SGSM2: variants seen among roughly 807,000 people sequenced by gnomAD.
SGSM2 encodes the protein small G protein signaling modulator 2.
Under a neutral mutation model 126.6 loss-of-function variants are expected in SGSM2, and 89 were observed. The ratio of observed to expected loss-of-function variants is 0.70; its 90% CI spans 0.59 to 0.84. The LOEUF is 0.84. Among genes scored for constraint, SGSM2 ranks in the 40% least tolerant of loss-of-function variants. SGSM2 has a pLI of 0.00. For synonymous variants in SGSM2, 614 were observed against 574.3 expected (o/e 1.07, Z -0.99); for missense variants, 1,404 against 1,416.6 (o/e 0.99, Z 0.14).
chr17:2,354,884 A>G (rs2065027539), intron 2 of SGSM2, among the ~76,000 whole-genome samples: 1 of 138,712 alleles, frequency 7.2e-6, no homozygotes, highest in South Asian at 2.1e-4. Flanking sequence ...ATCGGGGTGT[A>G]AGCGTTGGGG....
intron 1 of SGSM2, among the ~76,000 whole-genome samples, chr17:2,343,216 C>T (rs2064455548): frequency 6.6e-6 from 1 of 152,168 alleles, no homozygotes; most frequent in African/African-American, 2.4e-5. Context: ...GACAGTATAT[C>T]TGCCCAGAAG....
intron 21 of SGSM2, 143 bp downstream of exon 21, chr17:2,377,211 C>G (rs1375329476): frequency 1.6e-6 from 1 of 616,618 alleles, no homozygotes; most frequent in Non-Finnish European, 2.8e-6. Context: ...TTCAGCAGGG[C>G]AACGTGGCTC....
intron 2 of SGSM2, among the ~76,000 whole-genome samples, chr17:2,351,137 C>T (rs2064831024): frequency 6.6e-6 from 1 of 152,112 alleles, no homozygotes; most frequent in Admixed American, 6.6e-5. Flanking sequence ...CCTGTAATCC[C>T]AGCTACTTGG....
At chr17:2,375,461 C>G in intron 17 of SGSM2, 31 bp from the exon 18 acceptor site, 1 of 1,573,722 alleles carries the variant, frequency 6.4e-7, no homozygotes, top group Non-Finnish European at 8.6e-7. Flanking sequence ...TGCTGGAGTG[C>G]AGGTGGAGCC....
intron 2 of SGSM2, among the ~76,000 whole-genome samples, chr17:2,349,988 C>T (rs768728062): frequency 4.6e-5 from 7 of 151,972 alleles, no homozygotes; most frequent in African/African-American, 1.4e-4. Context: ...GGGGTTTCAC[C>T]GTGTTAGCCA....
In SGSM2 at chr17:2,367,450, C is replaced by T; in HGVS notation, c.1423+45C>T. 1 of 1,586,420 alleles carries T rather than the reference C, an allele frequency of 6.3e-7. No individual in the cohort carries two copies. Among genetic ancestry groups the T allele is most frequent in the South Asian group, 1.1e-5 (1 of 87,726 alleles). Reference sequence around the variant, plus strand: ...CCTGACCCACCTCATCCCCACCCTCCCTCCCGGGCCCGCCTGCCACCCACC... The same window carrying T: ...CCTGACCCACCTCATCCCCACCCTCTCTCCCGGGCCCGCCTGCCACCCACC... On this transcript the variant is annotated intron_variant, in intron 12 of 23. Transcript: ENST00000268989. The surrounding 1 kb of genome is among the most constrained non-coding windows in gnomAD (Gnocchi z 4.0).
chr17:2,379,371 C>A, intron 23 of SGSM2, 61 bp from the exon 24 acceptor site: 1 of 1,574,392 alleles, frequency 6.4e-7, no homozygotes, highest in Non-Finnish European at 8.7e-7. Flanking sequence ...GGTAGTCAGC[C>A]ACCTCCTAGC....
intron 17 of SGSM2, 101 bp from the exon 18 acceptor site, chr17:2,375,391 G>T (rs2286882): frequency 0.061 from 87,497 of 1,427,124 alleles, 6,543 homozygotes; most frequent in African/African-American, 0.34. Context: ...GAGAGGGGGT[G>T]TGAAGAGTTT....
intron 22 of SGSM2, 70 bp from the exon 23 acceptor site, chr17:2,378,966 G>C: frequency 1.3e-6 from 2 of 1,528,410 alleles, no homozygotes; most frequent in Non-Finnish European, 1.8e-6. Flanking sequence ...CCCAGCCTCA[G>C]CCTCAATCCC....
rs1172190373 is a variant in SGSM2 at position 2,377,209 on chromosome 17, G to C, written c.2802+141G>C. On this transcript the variant is annotated intron_variant, in intron 21 of 23. Transcript: ENST00000268989. ...ATTTTAAAAGACATGGTTTCAGCAG[G>C]GCAACGTGGCTCAGGCCTGTCATCC... 4 of 620,074 alleles carry C rather than the reference G, an allele frequency of 6.5e-6. No individual in the cohort carries two copies. In the African/African-American group the frequency reaches 7.4e-5, roughly 11 times the overall value. The allele number at this position is 620,074 out of a possible 1,614,324, so 38.4% of individuals were successfully genotyped here.
In SGSM2 at chr17:2,375,742, AG is replaced by A; in HGVS notation, c.2353del (p.Glu785LysfsTer13). The A allele has an allele frequency of 6.2e-7, 1 of 1,607,240 alleles. No individual in the cohort carries two copies. Among genetic ancestry groups the A allele is most frequent in the Non-Finnish European group, 8.5e-7 (1 of 1,175,512 alleles). ...TTCGAAGAGGAGGACGGCGGTGGGG[AG>A]GAAGGCTCCAGTGGGCCCGGCCCTG... ...VGFEEEDGGG[E>X]EGSSGPGPAA... On this transcript the variant is annotated frameshift_variant, in exon 18 of 24. Coordinates refer to ENST00000268989, the MANE Select transcript of SGSM2 (RefSeq NM_014853.3). LOFTEE classifies it high-confidence loss of function.
At chr17:2,345,407 T>C (rs953989319) in intron 2 of SGSM2, among the ~76,000 whole-genome samples, 9 of 149,034 alleles carry the variant, frequency 6.0e-5, no homozygotes, top group Non-Finnish European at 1.3e-4. Flanking sequence ...CCATCCTGGC[T>C]AACACGGTGA....
Position 2,375,825 on chromosome 17 carries a change from G to C in SGSM2, c.2434G>C (p.Glu812Gln). Residue 812 changes from glutamate to glutamine, a missense_variant, in exon 18 of 24, where the codon GAA becomes CAA. By Grantham distance (29) the Glu-to-Gln change is conservative. Coordinates refer to ENST00000268989, the MANE Select transcript of SGSM2 (RefSeq NM_014853.3). ...CAGCCAGGAGAAGCCTCAGGCCGGA[G>C]AACTGGAGGCCGGAGAGGAGCTTGC... ...DPSQEKPQAG[E>Q]LEAGEELAAV... The C allele has an allele frequency of 1.3e-6, 2 of 1,548,922 alleles. No individual in the cohort carries two copies.
Position 2,380,327 on chromosome 17 carries a change from A to G in SGSM2, c.*807A>G, listed in dbSNP as rs1015344945. ...TTGCCAGTGGATGATCTGGAATGCG[A>G]CCGGAGCACTTGCTCTGAGGAATCC... is the stretch of plus-strand genomic sequence containing the variant. On this transcript the variant is annotated 3_prime_UTR_variant, in exon 24 of 24. Transcript: ENST00000268989. The G allele has an allele frequency of 3.3e-6, 5 of 1,534,568 alleles. No homozygotes were observed. The African/African-American group carries it at 6.8e-5, about 21-fold the overall frequency.
At chr17:2,348,508 G>A (rs1182886588) in intron 2 of SGSM2, among the ~76,000 whole-genome samples, 1 of 152,188 alleles carries the variant, frequency 6.6e-6, no homozygotes, top group Non-Finnish European at 1.5e-5. Context: ...GAGCTCTGAA[G>A]GAGCTGACTC....
chr17:2,364,781 T>C, intron 9 of SGSM2, 116 bp from the exon 10 acceptor site: 1 of 1,556,260 alleles, frequency 6.4e-7, no homozygotes, highest in East Asian at 2.3e-5. Context: ...TTAATGGGGC[T>C]CCCAGGCCAT....
At chr17:2,358,860 T>C (rs1008759056) in intron 2 of SGSM2, among the ~76,000 whole-genome samples, 1 of 97,160 alleles carries the variant, frequency 1.0e-5, no homozygotes, top group Non-Finnish European at 2.1e-5. Context: ...GGCTCTTTTT[T>C]GTTGTTGTTG....
At chr17:2,338,108 C>T (rs940678098) in intron 1 of SGSM2, among the ~76,000 whole-genome samples, 1 of 152,072 alleles carries the variant, frequency 6.6e-6, no homozygotes, top group African/African-American at 2.4e-5. Context: ...GGCGGGGCCC[C>T]GCGCGAGCTC....
rs2066091558 is a variant in SGSM2 at position 2,375,493 on chromosome 17, T to G, written c.2102T>G (p.Val701Gly). The G allele has an allele frequency of 6.9e-6, 11 of 1,605,568 alleles. No homozygotes were observed. Among genetic ancestry groups the G allele is most frequent in the Non-Finnish European group, 8.5e-6 (10 of 1,175,000 alleles). The change falls in exon 18 of 24, where the codon GTG becomes GGG. Residue 701 changes from valine (V) to glycine (G), a missense_variant and splice_region_variant. Coordinates refer to ENST00000268989, the MANE Select transcript of SGSM2 (RefSeq NM_014853.3). Reference protein sequence around the residue: ...IHRDSTISNDVFISVDDLEPP... With the variant: ...IHRDSTISNDGFISVDDLEPP... Reference sequence around the variant, plus strand: ...AGCCGCCCTGTGTTCACCCCCCAGGTGTTTATCTCAGTGGATGATCTGGAA... The same window carrying G: ...AGCCGCCCTGTGTTCACCCCCCAGGGGTTTATCTCAGTGGATGATCTGGAA...
Sources: gnomAD v4.1 joint callset for allele counts (sites outside exome capture counted in the v4.1 genomes callset) on GRCh38, gnomAD v4.1.1 for gene constraint, Gnocchi (gnomAD v3.1) non-coding constraint, MANE v1.5 for transcripts, NCBI Gene and HGNC (gene_info 2026-07-23, HGNC 2026-07-21) for gene names.